The following ERC2 variants were observed in gnomAD, a reference collection of about 807,000 sequenced individuals.
The protein encoded by ERC2 is ERC protein 2.
In ERC2, 42 loss-of-function variants were observed where a neutral mutation model predicts 114.8. That is an observed-to-expected ratio of 0.37 (90% CI 0.29 to 0.47). ERC2 has a LOEUF of 0.47. Among genes scored for constraint, ERC2 ranks in the 20% least tolerant of loss-of-function variants. ERC2 has a pLI of 0.99. For missense variants in ERC2, 939 were observed against 1,150.7 expected (o/e 0.82, Z 2.66); for synonymous variants, 454 against 425.5 (o/e 1.07, Z -0.82).
At chr3:55,706,794 G>A (rs7648939) in intron 15 of ERC2, among the ~76,000 whole-genome samples, 3,819 of 152,218 alleles carry the variant, frequency 0.025, 138 homozygotes, top group African/African-American at 0.087. Context: ...TTTTTGCACA[G>A]GACTAACACA....
chr3:55,591,605 G>A (rs1414093039), intron 17 of ERC2, among the ~76,000 whole-genome samples: 5 of 151,886 alleles, frequency 3.3e-5, no homozygotes, highest in Non-Finnish European at 5.9e-5. Flanking sequence ...GTGTGTGCGC[G>A]CGCGTGTGGT....
intron 3 of ERC2, among the ~76,000 whole-genome samples, chr3:56,232,199 C>T (rs796774440): frequency 1.0e-4 from 15 of 149,706 alleles, no homozygotes; most frequent in African/African-American, 3.7e-4. Flanking sequence ...GAACTCCTGG[C>T]CTCAAGGAAT....
intron 17 of ERC2, among the ~76,000 whole-genome samples, chr3:55,537,846 A>G (rs2054099944): frequency 6.6e-6 from 1 of 152,244 alleles, no homozygotes; most frequent in South Asian, 2.1e-4. Flanking sequence ...GTTTTCTGCA[A>G]AGAAGTCCAA....
chr3:56,002,485 G>A (rs1266421515), intron 10 of ERC2, among the ~76,000 whole-genome samples: 4 of 152,062 alleles, frequency 2.6e-5, no homozygotes, highest in African/African-American at 9.7e-5. Context: ...AAAATTCGTG[G>A]TGGCACCTGG....
rs58512381 is a variant in ERC2, at chr3:55,954,081, T to TAAAAAA, written c.2268-3527_2268-3522dup. ...CAAGAGACTGACTTGCTCCATTATT[T>TAAAAAA]AAAAAAAAAAAAAAAAAAAAAAAAA... On this transcript the variant is annotated intron_variant, in intron 12 of 17. Transcript: ENST00000288221. Among the ~76,000 whole-genome samples, 53 of 50,358 alleles carry TAAAAAA rather than the reference T, an allele frequency of 1.1e-3. 1 individual carries two copies. Among genetic ancestry groups the TAAAAAA allele is most frequent in the African/African-American group, 4.3e-3 (50 of 11,714 alleles). The allele number at this position is 50,358 out of a possible 152,430, so 33.0% of individuals were successfully genotyped here.
intron 14 of ERC2, among the ~76,000 whole-genome samples, chr3:55,832,491 C>A (rs1465484163): frequency 1.3e-5 from 2 of 152,228 alleles, no homozygotes; most frequent in Admixed American, 6.5e-5. Context: ...GATACCCAGG[C>A]AAACAGGGTC....
intron 3 of ERC2, among the ~76,000 whole-genome samples, chr3:56,180,330 A>G (rs1441599256): frequency 6.6e-6 from 1 of 152,202 alleles, no homozygotes; most frequent in African/African-American, 2.4e-5. Context: ...TTAACCAATC[A>G]TTCATCTTGT....
chr3:56,323,083 C>A (rs916704306), intron 2 of ERC2, among the ~76,000 whole-genome samples: 5 of 152,144 alleles, frequency 3.3e-5, no homozygotes, highest in Non-Finnish European at 7.3e-5. Context: ...TGAGTTGAAG[C>A]AGCATGAGAC....
At chr3:56,075,124 T>C (rs576197541) in intron 7 of ERC2, among the ~76,000 whole-genome samples, 1 of 91,006 alleles carries the variant, frequency 1.1e-5, no homozygotes, top group South Asian at 4.8e-4. Context: ...CAGACTGCAG[T>C]GTCAGCAAAG....
intron 2 of ERC2, among the ~76,000 whole-genome samples, chr3:56,414,026 T>C (rs55770343): frequency 0.072 from 11,029 of 152,298 alleles, 477 homozygotes; most frequent in Middle Eastern, 0.15. Flanking sequence ...AGGGTTGGGA[T>C]GCTGATTTCA....
At chr3:55,551,925 C>T (rs892295503) in intron 17 of ERC2, among the ~76,000 whole-genome samples, 2 of 152,188 alleles carry the variant, frequency 1.3e-5, no homozygotes, top group Non-Finnish European at 2.9e-5. Context: ...AATGAAATTG[C>T]TACATTTGCT....
chr3:55,655,777 G>T (rs2148692565), intron 17 of ERC2, among the ~76,000 whole-genome samples: 1 of 152,344 alleles, frequency 6.6e-6, no homozygotes, highest in South Asian at 2.1e-4. Flanking sequence ...TATGTGGATA[G>T]GGATGTGTGT....
chr3:56,206,518 A>G (rs922497803), intron 3 of ERC2, among the ~76,000 whole-genome samples: 18 of 152,226 alleles, frequency 1.2e-4, no homozygotes, highest in African/African-American at 4.3e-4. Flanking sequence ...GGATGCATTG[A>G]TAACTATGCT....
At chr3:55,834,079 A>C (rs1266023752) in intron 14 of ERC2, among the ~76,000 whole-genome samples, 5 of 151,884 alleles carry the variant, frequency 3.3e-5, no homozygotes, top group Admixed American at 3.3e-4. Flanking sequence ...ATATATATGC[A>C]CCCAATACAG....
intron 2 of ERC2, among the ~76,000 whole-genome samples, chr3:56,427,726 A>C (rs189265158): frequency 6.6e-6 from 1 of 152,258 alleles, no homozygotes; most frequent in African/African-American, 2.4e-5. Flanking sequence ...CTAGCCAAGG[A>C]GAGAGGCCTG....
chr3:56,437,868 G>A (rs1405119326), intron 1 of ERC2, among the ~76,000 whole-genome samples: 1 of 152,134 alleles, frequency 6.6e-6, no homozygotes, highest in Non-Finnish European at 1.5e-5. Flanking sequence ...TGGTGGCAGG[G>A]GGAGCAGACG....
At chr3:56,081,590 C>CA (rs1025402334) in intron 6 of ERC2, among the ~76,000 whole-genome samples, 10 of 150,006 alleles carry the variant, frequency 6.7e-5, no homozygotes, top group African/African-American at 1.7e-4. Context: ...ACAAAGCATA[C>CA]AAAAAAAAAT....
intron 6 of ERC2, among the ~76,000 whole-genome samples, chr3:56,129,042 A>G (rs557057418): frequency 6.6e-6 from 1 of 152,244 alleles, no homozygotes; most frequent in Non-Finnish European, 1.5e-5. Flanking sequence ...AAATGCTTGC[A>G]ATAATGCCAA....
intron 2 of ERC2, among the ~76,000 whole-genome samples, chr3:56,338,507 C>T (rs1285705405): frequency 6.6e-6 from 1 of 152,190 alleles, no homozygotes; most frequent in Non-Finnish European, 1.5e-5. Context: ...CCTGCAATTG[C>T]CTTCATAGAA....
Sources: allele counts gnomAD v4.1 joint callset (sites outside exome capture counted in the v4.1 genomes callset), GRCh38; gene constraint gnomAD v4.1.1; transcripts MANE v1.5; gene names NCBI Gene and HGNC (gene_info 2026-07-23, HGNC 2026-07-21).